Variants in STYX observed in about 807,000 individuals in gnomAD.
STYX encodes serine/threonine/tyrosine interacting protein.
Under a neutral mutation model 42.7 loss-of-function variants are expected in STYX, and 20 were observed. The observed-to-expected ratio is 0.47, with a 90% CI of 0.33 to 0.68. The LOEUF (loss-of-function observed/expected upper bound fraction) is 0.68, where lower values mean the gene tolerates loss of function less well. Ranked by LOEUF, STYX falls within the 30% of genes least tolerant of loss-of-function variation. The pLI is 0.02. For synonymous variants in STYX, 78 were observed against 81.9 expected (o/e 0.95, Z 0.26); for missense variants, 226 against 268.5 (o/e 0.84, Z 1.11).
At chr14:52,759,799 AT>A (rs772530754) in intron 9 of STYX, 45 bp downstream of exon 9, 116 of 1,288,954 alleles carry the variant, frequency 9.0e-5, no homozygotes, top group Non-Finnish European at 1.2e-4. Flanking sequence ...AAGATATAAA[AT>A]CTTTTATACA....
chr14:52,760,845 G>T (rs1882063826), intron 9 of STYX, among the ~76,000 whole-genome samples: 1 of 151,482 alleles, frequency 6.6e-6, no homozygotes, highest in South Asian at 2.1e-4. Flanking sequence ...ATACATAGTA[G>T]GTTAGGTATT....
intron 1 of STYX, among the ~76,000 whole-genome samples, chr14:52,738,759 T>G (rs981132562): frequency 3.3e-5 from 5 of 152,180 alleles, no homozygotes; most frequent in Non-Finnish European, 7.4e-5. Context: ...AGAAGCTCAG[T>G]TTGCTCCTAG....
intron 9 of STYX, among the ~76,000 whole-genome samples, chr14:52,762,571 T>C (rs972750821): frequency 6.6e-6 from 1 of 152,136 alleles, no homozygotes; most frequent in Non-Finnish European, 1.5e-5. Flanking sequence ...GTAAATTGGT[T>C]TGTCTTTCTT....
intron 9 of STYX, among the ~76,000 whole-genome samples, chr14:52,766,836 CTTTG>C (rs1882319763): frequency 6.7e-6 from 1 of 149,846 alleles, no homozygotes; most frequent in Non-Finnish European, 1.5e-5. Flanking sequence ...TTATTTGCAG[CTTTG>C]TTCTTTTTTT....
intron 1 of STYX, among the ~76,000 whole-genome samples, chr14:52,732,103 T>TG (rs201262363): frequency 0.052 from 7,764 of 149,186 alleles, 358 homozygotes; most frequent in Non-Finnish European, 0.074. Context: ...TTTTTTTTTT[T>TG]TTTTTTTTTT....
At chr14:52,762,580 T>C (rs1296520819) in intron 9 of STYX, among the ~76,000 whole-genome samples, 1 of 149,452 alleles carries the variant, frequency 6.7e-6, no homozygotes, top group Non-Finnish European at 1.5e-5. Flanking sequence ...TTTGTCTTTC[T>C]TTTTTTTTTC....
At chr14:52,746,711 T>G (rs1160406732) in intron 3 of STYX, among the ~76,000 whole-genome samples, 2 of 152,220 alleles carry the variant, frequency 1.3e-5, no homozygotes, top group Non-Finnish European at 2.9e-5. Context: ...TTTGTATGTT[T>G]GAAAGATTTA....
In STYX at chr14:52,760,955, C is replaced by T. The variant is rs1045148051; in HGVS notation, c.504+1201C>T. Among the ~76,000 whole-genome samples, 4 of 152,118 alleles carry T rather than the reference C, an allele frequency of 2.6e-5. No homozygotes were observed. In the East Asian group the frequency reaches 7.7e-4, roughly 29 times the overall value. On this transcript the variant is annotated intron_variant, in intron 9 of 10. Transcript: ENST00000354586. The stretch of plus-strand genomic sequence containing the variant: ...TTGTGTTACAAACAATCCAATAATG[C>T]TCTTACTTGTTTTCAAATGTGTAAA...
intron 1 of STYX, among the ~76,000 whole-genome samples, chr14:52,738,729 C>G (rs1881062148): frequency 6.6e-6 from 1 of 152,170 alleles, no homozygotes; most frequent in East Asian, 1.9e-4. Flanking sequence ...TGTTACCTAC[C>G]TAAGGACAGA....
chr14:52,737,430 G>T (rs1252215985), intron 1 of STYX, among the ~76,000 whole-genome samples: 1 of 152,170 alleles, frequency 6.6e-6, no homozygotes, highest in Non-Finnish European at 1.5e-5. Context: ...GAATTAATTT[G>T]TCTCAGAATC....
intron 9 of STYX, among the ~76,000 whole-genome samples, chr14:52,761,748 T>C (rs897681005): frequency 6.6e-6 from 1 of 150,970 alleles, no homozygotes; most frequent in Admixed American, 6.6e-5. Flanking sequence ...TTTGTATTTT[T>C]AATAGAGATG....
intron 10 of STYX, among the ~76,000 whole-genome samples, chr14:52,769,210 G>A (rs998691584): frequency 7.2e-5 from 11 of 152,002 alleles, no homozygotes; most frequent in African/African-American, 1.2e-4. Context: ...AGTAGAGGGC[G>A]GTTAATACAG....
At chr14:52,763,923 C>T (rs574527271) in intron 9 of STYX, among the ~76,000 whole-genome samples, 1 of 151,950 alleles carries the variant, frequency 6.6e-6, no homozygotes, top group Non-Finnish European at 1.5e-5. Context: ...TTTTTCTGTA[C>T]TTAACTATTT....
intron 2 of STYX, among the ~76,000 whole-genome samples, chr14:52,745,482 T>G (rs1054606349): frequency 1.3e-5 from 2 of 152,208 alleles, no homozygotes; most frequent in African/African-American, 2.4e-5. Context: ...ATACTTTCTT[T>G]GTATTCCTTT....
At chr14:52,744,411 T>G (rs2139892923) in intron 1 of STYX, among the ~76,000 whole-genome samples, 1 of 152,360 alleles carries the variant, frequency 6.6e-6, no homozygotes, top group Middle Eastern at 3.4e-3. Flanking sequence ...TCTTCTTTTA[T>G]CCATTTCAGA....
chr14:52,746,583 T>A, intron 3 of STYX, 104 bp downstream of exon 3: 1 of 925,244 alleles, frequency 1.1e-6, no homozygotes, highest in Non-Finnish European at 1.6e-6. Context: ...CATCCACAAA[T>A]ACTGTCTGTT....
chr14:52,774,553 A>T lies in STYX; in HGVS notation c.*3447A>T, dbSNP rs1267313353. On this transcript the variant is annotated 3_prime_UTR_variant, in exon 11 of 11. Transcript: ENST00000354586. ...ACTGAAAGACCTTTTTTTTTAATTG[A>T]TTAGAAAAGTAAGTCTCTAGGGTCT... 1.3e-5 allele frequency: 2 copies of T among 151,242 alleles called. No individual in the cohort carries two copies. Among genetic ancestry groups the T allele is most frequent in the Non-Finnish European group, 2.9e-5 (2 of 67,842 alleles). The allele number at this position is 151,242 out of a possible 1,614,324, so 9.4% of individuals were successfully genotyped here. A position where few individuals can be genotyped will look rare whatever the true frequency, so the allele number is the denominator to read the frequency against.
intron 1 of STYX, among the ~76,000 whole-genome samples, chr14:52,732,363 C>T (rs920028301): frequency 1.3e-5 from 2 of 150,040 alleles, no homozygotes; most frequent in Non-Finnish European, 3.0e-5. Flanking sequence ...AGCTCTGCCT[C>T]CCGTGTTCAC....
intron 1 of STYX, among the ~76,000 whole-genome samples, chr14:52,735,376 C>T (rs1213400163): frequency 6.6e-6 from 1 of 152,112 alleles, no homozygotes; most frequent in Non-Finnish European, 1.5e-5. Context: ...CAGGAAAGGG[C>T]AGATACAATG....
Sources: allele counts gnomAD v4.1 joint callset (sites outside exome capture counted in the v4.1 genomes callset), GRCh38; gene constraint gnomAD v4.1.1; transcripts MANE v1.5; gene names NCBI Gene and HGNC (gene_info 2026-07-23, HGNC 2026-07-21).